SDHB: variants seen among roughly 807,000 people sequenced by gnomAD.
SDHB encodes succinate dehydrogenase [ubiquinone] iron-sulfur subunit, mitochondrial.
A neutral mutation model predicts 39.7 loss-of-function variants in SDHB; 21 were observed. The observed-to-expected ratio is 0.53, with a 90% CI of 0.37 to 0.76. The LOEUF (loss-of-function observed/expected upper bound fraction) is 0.76, where lower values mean the gene tolerates loss of function less well. Among genes scored for constraint, SDHB ranks in the 30% least tolerant of loss-of-function variants. The probability of loss-of-function intolerance (pLI) is 0.00; values close to 1 mark genes in which losing one functional copy is unlikely to be tolerated. For synonymous variants in SDHB, 118 were observed against 117.0 expected (o/e 1.01, Z -0.06); for missense variants, 343 against 350.9 (o/e 0.98, Z 0.18).
At chr1:17,033,197 A>C (rs1410636134) in intron 2 of SDHB, 52 bp from the exon 3 acceptor site, 2 of 1,318,742 alleles carry the variant, frequency 1.5e-6, no homozygotes, top group Admixed American at 1.7e-5. Context: ...ACCTCCCTAC[A>C]CTTTATCATA....
intron 3 of SDHB, among the ~76,000 whole-genome samples, chr1:17,030,599 C>A (rs1256214749): frequency 6.6e-6 from 1 of 152,110 alleles, no homozygotes; most frequent in Non-Finnish European, 1.5e-5. Flanking sequence ...GTACTCTAAA[C>A]CTCTAGTGCC....
chr1:17,053,926 T>G, intron 1 of SDHB, 22 bp downstream of exon 1: 1 of 1,600,038 alleles, frequency 6.2e-7, no homozygotes, highest in Non-Finnish European at 8.6e-7. Flanking sequence ...GACTTTTCCC[T>G]CTCTGAGGCT....
intron 3 of SDHB, among the ~76,000 whole-genome samples, chr1:17,030,971 T>A (rs75046943): frequency 2.0e-5 from 2 of 99,750 alleles, no homozygotes; most frequent in South Asian, 3.1e-4. Context: ...TTTTTTTTTT[T>A]TAATGGAAAG....
intron 3 of SDHB, among the ~76,000 whole-genome samples, chr1:17,029,500 T>G (rs564402483): frequency 1.3e-5 from 2 of 151,876 alleles, no homozygotes; most frequent in Admixed American, 1.3e-4. Context: ...GCCGCGATCT[T>G]GGCTCACTGC....
chr1:17,053,188 C>G (rs1194817463), intron 1 of SDHB, among the ~76,000 whole-genome samples: 1 of 152,136 alleles, frequency 6.6e-6, no homozygotes, highest in East Asian at 1.9e-4. Flanking sequence ...CTTGGCCATA[C>G]AAGGGGCGTG....
intron 7 of SDHB, among the ~76,000 whole-genome samples, chr1:17,020,249 T>G (rs1222625509): frequency 2.6e-5 from 4 of 152,176 alleles, no homozygotes; most frequent in African/African-American, 9.7e-5. Flanking sequence ...ACCCAATCCA[T>G]GCAGGAAGAA....
intron 4 of SDHB, 97 bp downstream of exon 4, chr1:17,028,503 C>T: frequency 3.7e-6 from 5 of 1,346,250 alleles, no homozygotes; most frequent in South Asian, 3.6e-5. Flanking sequence ...GCCTTAAATA[C>T]TCAAACAAAT....
At chr1:17,053,454 G>A (rs6665176) in intron 1 of SDHB, among the ~76,000 whole-genome samples, 1,817 of 152,058 alleles carry the variant, frequency 0.012, 32 homozygotes, top group African/African-American at 0.042. Context: ...CCCTTCCCCT[G>A]CCCTGTCCCC....
intron 1 of SDHB, among the ~76,000 whole-genome samples, chr1:17,047,138 T>A (rs2078114593): frequency 1.3e-5 from 2 of 151,834 alleles, no homozygotes; most frequent in South Asian, 4.2e-4. Flanking sequence ...GACGAATCAC[T>A]TGAGGTCAGG....
chr1:17,030,754 T>C (rs1173251291), intron 3 of SDHB, among the ~76,000 whole-genome samples: 2 of 152,134 alleles, frequency 1.3e-5, no homozygotes, highest in Non-Finnish European at 1.5e-5. Context: ...CGATCTCGGC[T>C]TACTGCAACC....
chr1:17,040,153 C>T (rs2078072675), intron 2 of SDHB, among the ~76,000 whole-genome samples: 1 of 152,070 alleles, frequency 6.6e-6, no homozygotes, highest in African/African-American at 2.4e-5. Flanking sequence ...GTCTCTTGGC[C>T]TCTAGTTTCT....
intron 2 of SDHB, among the ~76,000 whole-genome samples, chr1:17,044,539 T>C (rs1369515662): frequency 6.6e-6 from 1 of 152,140 alleles, no homozygotes; most frequent in Non-Finnish European, 1.5e-5. Context: ...TTGGCCACAT[T>C]GGTCTTGAAC....
chr1:17,053,896 G>T, intron 1 of SDHB, 52 bp downstream of exon 1: 3 of 1,352,112 alleles, frequency 2.2e-6, no homozygotes, highest in South Asian at 2.4e-5. Context: ...TCAGCTCCAG[G>T]CAGTCTCTGT....
At chr1:17,033,034 G>C (rs915935244) in intron 3 of SDHB, 26 bp downstream of exon 3, 2 of 1,579,092 alleles carry the variant, frequency 1.3e-6, no homozygotes, top group African/African-American at 1.3e-5. Context: ...CAAGTATCTG[G>C]AGCCCAACAG....
chr1:17,036,812 A>C (rs2078053006), intron 2 of SDHB, among the ~76,000 whole-genome samples: 1 of 149,206 alleles, frequency 6.7e-6, no homozygotes, highest in Non-Finnish European at 1.5e-5. Flanking sequence ...ATGTATACAC[A>C]CACACACACA....
chr1:17,042,144 C>CA (rs2078083837), intron 2 of SDHB, among the ~76,000 whole-genome samples: 2 of 152,186 alleles, frequency 1.3e-5, no homozygotes, highest in African/African-American at 4.8e-5. Flanking sequence ...TTTGGCCTCC[C>CA]AAAGTGCTGG....
intron 2 of SDHB, among the ~76,000 whole-genome samples, 168 bp downstream of exon 2, chr1:17,044,593 T>C (rs2078098437): frequency 1.3e-5 from 2 of 152,210 alleles, no homozygotes; most frequent in Non-Finnish European, 2.9e-5. Flanking sequence ...CCCAAAGTGC[T>C]GGGATTATAG....
intron 2 of SDHB, among the ~76,000 whole-genome samples, chr1:17,041,766 G>A (rs746707657): frequency 3.3e-5 from 5 of 152,180 alleles, no homozygotes; most frequent in Non-Finnish European, 5.9e-5. Context: ...ATTTTACACA[G>A]GCAATTAATA....
At chr1:17,020,995 C>T (rs1193184633) in intron 7 of SDHB, among the ~76,000 whole-genome samples, 1 of 152,230 alleles carries the variant, frequency 6.6e-6, no homozygotes, top group Non-Finnish European at 1.5e-5. Flanking sequence ...CACCTTGCCG[C>T]CCACTGACTC....
Sources: allele counts gnomAD v4.1 joint callset (sites outside exome capture counted in the v4.1 genomes callset), GRCh38; gene constraint gnomAD v4.1.1; transcripts MANE v1.5; gene names NCBI Gene and HGNC (gene_info 2026-07-23, HGNC 2026-07-21).